CENPC: variants seen among roughly 807,000 people sequenced by gnomAD.
CENPC encodes the protein centromere protein C.
In CENPC, 63 loss-of-function variants were observed where a neutral mutation model predicts 112.1. The ratio of observed to expected loss-of-function variants is 0.56; its 90% CI spans 0.46 to 0.69. The LOEUF is 0.69. Among genes scored for constraint, CENPC ranks in the 30% least tolerant of loss-of-function variants. The probability of loss-of-function intolerance (pLI) is 0.00; values close to 1 mark genes in which losing one functional copy is unlikely to be tolerated. For synonymous variants in CENPC, 333 were observed against 367.6 expected (o/e 0.91, Z 1.08); for missense variants, 1,000 against 1,103.8 (o/e 0.91, Z 1.33).
At chr4:67,504,092 C>CAAAAA (rs33925641) in intron 12 of CENPC, among the ~76,000 whole-genome samples, 9 of 114,058 alleles carry the variant, frequency 7.9e-5, no homozygotes, top group East Asian at 2.5e-4. Context: ...GTGAATGGGG[C>CAAAAA]AAAAAAAAAA....
At chr4:67,519,802 C>T (rs1033485471) in intron 5 of CENPC, among the ~76,000 whole-genome samples, 30 of 152,010 alleles carry the variant, frequency 2.0e-4, no homozygotes, top group African/African-American at 6.8e-4. Flanking sequence ...TATACATACA[C>T]AGTATATATG....
At chr4:67,492,445 C>T (rs1220523980) in intron 15 of CENPC, among the ~76,000 whole-genome samples, 170 bp from the exon 16 acceptor site, 1 of 152,068 alleles carries the variant, frequency 6.6e-6, no homozygotes, top group Non-Finnish European at 1.5e-5. Context: ...ACTTAAAAAC[C>T]CATAATGATT....
chr4:67,492,385 C>T (rs1309395111), intron 15 of CENPC, 110 bp from the exon 16 acceptor site: 1 of 577,922 alleles, frequency 1.7e-6, no homozygotes, highest in East Asian at 3.1e-5. Context: ...CTGTCAAACG[C>T]AAAGAAGTCT....
At position 67,514,517 on chromosome 4, in the gene CENPC, G is replaced by A. The variant is rs367801598; in HGVS notation, c.1001C>T (p.Pro334Leu). The A allele has an allele frequency of 2.1e-4, 346 of 1,612,858 alleles. 5 individuals are homozygous for A. The highest frequency in any genetic ancestry group is 1.4e-3 in the South Asian group (124 of 90,942). ...AGSLKQRTIS[P>L]AESTALLQGR... ...TTGAAGGAGTGCAGTGCTCTCAGCC[G>A]GGGATATTGTGCGTTGTTTCAGAGA... Residue 334 changes from proline (P) to leucine (L), a missense_variant, in exon 8 of 19, where the codon CCG becomes CTG. By Grantham distance (98) the Pro-to-Leu change is moderately conservative. Transcript: ENST00000273853.
At position 67,519,509 on chromosome 4, in the gene CENPC, G is replaced by A; in HGVS notation, c.332-7C>T. ...TGAACTTCATGGGCCTGAACTAGAAGAAAATTATATAAAGATATTTGTCAA... is the reference window on the plus strand; with the variant it reads ...TGAACTTCATGGGCCTGAACTAGAAAAAAATTATATAAAGATATTTGTCAA... On this transcript the variant is annotated splice_polypyrimidine_tract_variant and splice_region_variant and intron_variant, in intron 5 of 18. Transcript: ENST00000273853. 2 of 1,459,196 alleles carry A rather than the reference G, an allele frequency of 1.4e-6. No individual in the cohort carries two copies. The highest frequency in any genetic ancestry group is 1.5e-5 in the South Asian group (1 of 66,594). The allele number at this position is 1,459,196 out of a possible 1,614,324, so 90.4% of individuals were successfully genotyped here. A position where few individuals can be genotyped will look rare whatever the true frequency, so the allele number is the denominator to read the frequency against.
At chr4:67,493,801 T>C (rs1725352137) in intron 14 of CENPC, 83 bp downstream of exon 14, 1 of 751,804 alleles carries the variant, frequency 1.3e-6, no homozygotes, top group Non-Finnish European at 2.2e-6. Context: ...AGTAAGGTAA[T>C]GTATATAAAC....
chr4:67,485,886 T>C (rs1032526047), intron 17 of CENPC, among the ~76,000 whole-genome samples: 2 of 152,148 alleles, frequency 1.3e-5, no homozygotes, highest in African/African-American at 4.8e-5. Flanking sequence ...AAGGTCACAA[T>C]GTAAATGGCA....
chr4:67,502,664 A>G (rs1242027435), intron 12 of CENPC, among the ~76,000 whole-genome samples: 1 of 152,142 alleles, frequency 6.6e-6, no homozygotes, highest in African/African-American at 2.4e-5. Flanking sequence ...TAAAAAGAAT[A>G]CATAGGTTGA....
chr4:67,541,686 C>T (rs1446475851), intron 2 of CENPC, among the ~76,000 whole-genome samples: 1 of 152,154 alleles, frequency 6.6e-6, no homozygotes, highest in African/African-American at 2.4e-5. Flanking sequence ...TACATGTACT[C>T]ATTTCTGAAC....
intron 17 of CENPC, among the ~76,000 whole-genome samples, chr4:67,478,900 C>T (rs1018993489): frequency 2.0e-5 from 3 of 152,044 alleles, no homozygotes; most frequent in African/African-American, 7.2e-5. Flanking sequence ...AAATGGATAC[C>T]AAAAGAGAGC....
chr4:67,486,581 C>T (rs1446347109), intron 17 of CENPC, among the ~76,000 whole-genome samples: 2 of 152,128 alleles, frequency 1.3e-5, no homozygotes, highest in East Asian at 1.9e-4. Context: ...TCAGGGACAA[C>T]GGACAATTTC....
chr4:67,534,882 T>C (rs1352791409), intron 4 of CENPC, among the ~76,000 whole-genome samples: 1 of 151,932 alleles, frequency 6.6e-6, no homozygotes, highest in Non-Finnish European at 1.5e-5. Context: ...GCAAAGTAAG[T>C]AAAAAAGGTA....
chr4:67,472,036 C>T lies in CENPC; in HGVS notation c.*569G>A, dbSNP rs1055675827. ...AATGCCAGAAATTGCCAGTAAACCA[C>T]CAGAAGTTAGGAATAAGGAAGGATT... On this transcript the variant is annotated 3_prime_UTR_variant, in exon 19 of 19. Coordinates refer to ENST00000273853, the MANE Select transcript of CENPC (RefSeq NM_001812.4). 1 of 152,148 alleles carries T rather than the reference C, an allele frequency of 6.6e-6. No individual in the cohort carries two copies. Among genetic ancestry groups the T allele is most frequent in the Non-Finnish European group, 1.5e-5 (1 of 68,022 alleles). The allele number at this position is 152,148 out of a possible 1,614,324, so 9.4% of individuals were successfully genotyped here.
intron 12 of CENPC, among the ~76,000 whole-genome samples, chr4:67,503,945 T>A (rs535421195): frequency 6.6e-6 from 1 of 152,054 alleles, no homozygotes; most frequent in Admixed American, 6.6e-5. Flanking sequence ...GATATTAAAC[T>A]AAGCAAAGAA....
chr4:67,473,036 G>T (rs1724709590), intron 18 of CENPC, among the ~76,000 whole-genome samples: 1 of 151,880 alleles, frequency 6.6e-6, no homozygotes, highest in South Asian at 2.1e-4. Context: ...GAATATAAAA[G>T]GTACAATGTT....
At position 67,493,913 on chromosome 4, in the gene CENPC, T is replaced by G; in HGVS notation, c.2261A>C (p.Glu754Ala). The G allele has an allele frequency of 6.2e-7, 1 of 1,612,676 alleles. No individual in the cohort carries two copies. The highest frequency in any genetic ancestry group is 8.5e-7 in the Non-Finnish European group (1 of 1,179,232). The change falls in exon 14 of 19, where the codon GAG becomes GCG. Residue 754 changes from glutamate (E) to alanine (A), a missense_variant. By Grantham distance (107) the Glu-to-Ala change is moderately radical (BLOSUM62 -1). Coordinates refer to ENST00000273853, the MANE Select transcript of CENPC (RefSeq NM_001812.4). ...RLKPLEYWRG[E>A]RIDYQGRPSG... Reference sequence around the variant, plus strand: ...TGGCCTTCCTTGATAATCTATTCGCTCTCCTCGCCAGTACTCCAAAGGTTT... The same window carrying G: ...TGGCCTTCCTTGATAATCTATTCGCGCTCCTCGCCAGTACTCCAAAGGTTT...
intron 6 of CENPC, among the ~76,000 whole-genome samples, chr4:67,518,626 T>C (rs1024034590): frequency 1.3e-5 from 2 of 152,180 alleles, no homozygotes; most frequent in Non-Finnish European, 2.9e-5. Flanking sequence ...AATGTATAGC[T>C]AGGCAATGGT....
At chr4:67,503,579 C>T (rs944138756) in intron 12 of CENPC, among the ~76,000 whole-genome samples, 2 of 152,016 alleles carry the variant, frequency 1.3e-5, no homozygotes, top group African/African-American at 4.8e-5. Context: ...CACACCCCTA[C>T]CCTTAAAATA....
rs918060446 is a variant in CENPC at position 67,514,622 on chromosome 4, A to G, written c.896T>C (p.Ile299Thr). 1.0e-5 allele frequency: 16 copies of G among 1,607,616 alleles called. No individual in the cohort carries two copies. The highest frequency in any genetic ancestry group is 1.4e-5 in the Non-Finnish European group (16 of 1,177,094). Reference protein sequence around the residue: ...HSCPPDDTKLIEDEFIIDESD... With the variant: ...HSCPPDDTKLTEDEFIIDESD... ...CTCATCAATTATAAATTCATCCTCT[A>G]TCAACTTCGTATCATCGGGAGGACA... The change falls in exon 8 of 19, where the codon ATA (isoleucine) becomes ACA (threonine). Residue 299 changes from isoleucine (I) to threonine (T), a missense_variant. Transcript: ENST00000273853.
Sources: gnomAD v4.1 joint callset for allele counts (sites outside exome capture counted in the v4.1 genomes callset) on GRCh38, gnomAD v4.1.1 for gene constraint, MANE v1.5 for transcripts, NCBI Gene and HGNC (gene_info 2026-07-23, HGNC 2026-07-21) for gene names.